ASAP1: variants seen among roughly 807,000 people sequenced by gnomAD.
ASAP1 encodes the protein arf-GAP with SH3 domain, ANK repeat and PH domain-containing protein 1.
ASAP1 carries 43 observed loss-of-function variants against 145.2 expected under a neutral mutation model. The observed-to-expected ratio is 0.30, with a 90% CI of 0.23 to 0.38. ASAP1 has a LOEUF of 0.38. Ranked by LOEUF, ASAP1 falls within the 10% of genes least tolerant of loss-of-function variation. The probability of loss-of-function intolerance (pLI) is 1.00; values close to 1 mark genes in which losing one functional copy is unlikely to be tolerated. For missense variants in ASAP1, 1,018 were observed against 1,355.3 expected, an observed-to-expected ratio of 0.75 and a Z score of 3.91; for synonymous variants, 546 against 515.5, an observed-to-expected ratio of 1.06 and a Z score of -0.80.
At chr8:130,254,933 A>G (rs1819418598) in intron 3 of ASAP1, among the ~76,000 whole-genome samples, 1 of 152,148 alleles carries the variant, frequency 6.6e-6, no homozygotes, top group Admixed American at 6.5e-5. Context: ...ATATCTTGCC[A>G]TTTTTACCAC....
Position 130,152,905 on chromosome 8 carries a change from C to T in ASAP1, c.1011-100G>A, listed in dbSNP as rs1469232788. 4.3e-6 allele frequency: 4 copies of T among 940,426 alleles called. No homozygotes were observed. In the African/African-American group the frequency reaches 5.0e-5, roughly 12 times the overall value. The allele number at this position is 940,426 out of a possible 1,614,324, so 58.3% of individuals were successfully genotyped here. ...ATAATAATAATTACAAAATAACTTC[C>T]CCAAACCAAAAAATCCAACCCCCCC... On this transcript the variant is annotated intron_variant, in intron 12 of 29. Coordinates refer to ENST00000518721, the MANE Select transcript of ASAP1 (RefSeq NM_018482.4).
intron 3 of ASAP1, among the ~76,000 whole-genome samples, chr8:130,283,587 G>GAAAAAAAAAAAAAAAAAAAA (rs71304303): frequency 4.8e-5 from 1 of 20,848 alleles, no homozygotes; most frequent in African/African-American, 1.7e-4. Context: ...ATCACAGAAA[G>GAAAAAAAAAAAAAAAAAAAA]AAAAAAAAAA....
At chr8:130,065,917 T>G (rs956381956) in intron 27 of ASAP1, among the ~76,000 whole-genome samples, 10 of 152,158 alleles carry the variant, frequency 6.6e-5, no homozygotes, top group African/African-American at 2.4e-4. Context: ...CGCACAGAGA[T>G]CAGCTGATGG....
chr8:130,268,214 G>C (rs193061554), intron 3 of ASAP1, among the ~76,000 whole-genome samples: 1 of 152,080 alleles, frequency 6.6e-6, no homozygotes, highest in Non-Finnish European at 1.5e-5. Context: ...GGCCTGGCAC[G>C]GTAGCTCATG....
chr8:130,310,297 G>A (rs951461562), intron 3 of ASAP1, among the ~76,000 whole-genome samples: 20 of 152,140 alleles, frequency 1.3e-4, no homozygotes, highest in African/African-American at 4.8e-4. Flanking sequence ...TTATGAGGAA[G>A]AAGTAGCTTC....
intron 7 of ASAP1, among the ~76,000 whole-genome samples, chr8:130,182,217 C>T (rs764568367): frequency 2.6e-5 from 4 of 152,188 alleles, no homozygotes; most frequent in Non-Finnish European, 5.9e-5. Flanking sequence ...ACCATGGTGA[C>T]TTAAACATAC....
At chr8:130,072,075 C>T (rs1228524266) in intron 27 of ASAP1, among the ~76,000 whole-genome samples, 1 of 152,158 alleles carries the variant, frequency 6.6e-6, no homozygotes, top group Non-Finnish European at 1.5e-5. Context: ...AAACACCTTC[C>T]ATGAGAGGGT....
intron 1 of ASAP1, among the ~76,000 whole-genome samples, chr8:130,410,481 A>G (rs34003529): frequency 6.6e-6 from 1 of 152,022 alleles, no homozygotes; most frequent in Non-Finnish European, 1.5e-5. Flanking sequence ...ACGCAATCCA[A>G]TCCTCATGCC....
chr8:130,413,690 G>C (rs1829358720), intron 1 of ASAP1, among the ~76,000 whole-genome samples: 1 of 152,082 alleles, frequency 6.6e-6, no homozygotes, highest in Non-Finnish European at 1.5e-5. Context: ...CCTGCATAAA[G>C]TTTCACCCCA....
chr8:130,151,626 G>C (rs886662734), intron 13 of ASAP1, among the ~76,000 whole-genome samples: 2 of 152,194 alleles, frequency 1.3e-5, no homozygotes, highest in Non-Finnish European at 2.9e-5. Flanking sequence ...GCAAGGGACA[G>C]AGACAATGCA....
intron 12 of ASAP1, among the ~76,000 whole-genome samples, chr8:130,155,452 G>C (rs966761426): frequency 6.6e-6 from 1 of 152,148 alleles, no homozygotes; most frequent in African/African-American, 2.4e-5. Flanking sequence ...CTGCAGTCTT[G>C]ACCTCCCAGG....
At chr8:130,375,238 A>G (rs1827427384) in intron 2 of ASAP1, among the ~76,000 whole-genome samples, 1 of 152,108 alleles carries the variant, frequency 6.6e-6, no homozygotes, top group African/African-American at 2.4e-5. Context: ...TGGATCCCCC[A>G]GGCGTTAGGA....
At chr8:130,084,138 A>G (rs2097487498) in intron 25 of ASAP1, 1 of 152,228 alleles carries the variant, frequency 6.6e-6, no homozygotes, top group Non-Finnish European at 1.5e-5. Flanking sequence ...AGCAGTCAAT[A>G]GTCCCTGCTA....
At chr8:130,159,482 C>T (rs535244650) in intron 12 of ASAP1, among the ~76,000 whole-genome samples, 2 of 140,192 alleles carry the variant, frequency 1.4e-5, no homozygotes, top group East Asian at 2.4e-4. Context: ...ATTAGCCAGG[C>T]GTGGTGGCAG....
intron 4 of ASAP1, among the ~76,000 whole-genome samples, chr8:130,232,556 G>A (rs1306806860): frequency 6.6e-6 from 1 of 151,332 alleles, no homozygotes; most frequent in Non-Finnish European, 1.5e-5. Context: ...TACACAACAA[G>A]GAAAAGTGAG....
At chr8:130,201,772 C>A (rs1020878317) in intron 5 of ASAP1, among the ~76,000 whole-genome samples, 8 of 152,162 alleles carry the variant, frequency 5.3e-5, no homozygotes, top group Non-Finnish European at 4.4e-5. Context: ...ACTTTCAGAC[C>A]TTTAATTTCA....
chr8:130,198,191 C>A (rs949771150), intron 5 of ASAP1, among the ~76,000 whole-genome samples: 1 of 150,154 alleles, frequency 6.7e-6, no homozygotes, highest in Admixed American at 6.6e-5. Flanking sequence ...TGGAGTGCAG[C>A]CTTGCTCACT....
At chr8:130,160,959 G>T (rs564376018) in intron 11 of ASAP1, among the ~76,000 whole-genome samples, 4 of 152,154 alleles carry the variant, frequency 2.6e-5, no homozygotes, top group Non-Finnish European at 5.9e-5. Context: ...CTAGATTCAG[G>T]ATAAACTTTG....
rs567187887 is a variant in ASAP1, at chr8:130,233,059, C to G, written c.259+3863G>C. On this transcript the variant is annotated intron_variant, in intron 4 of 29. Coordinates refer to ENST00000518721, the MANE Select transcript of ASAP1 (RefSeq NM_018482.4). ...GTCATAGTGCTGCCCACAAACCCAG[C>G]TATACTATACTTGTTCGTGACTGCA... 2.7e-4 allele frequency among the ~76,000 whole-genome samples: 41 copies of G among 152,268 alleles called. No homozygotes were observed. The South Asian group carries it at 8.3e-3, about 31-fold the overall frequency.
Sources: gnomAD v4.1 joint callset for allele counts (sites outside exome capture counted in the v4.1 genomes callset) on GRCh38, gnomAD v4.1.1 for gene constraint, MANE v1.5 for transcripts, NCBI Gene and HGNC (gene_info 2026-07-23, HGNC 2026-07-21) for gene names.